The following SPRED2 variants were observed in gnomAD, a reference collection of about 807,000 sequenced individuals.
The protein encoded by SPRED2 is sprouty-related, EVH1 domain-containing protein 2.
SPRED2 carries 47 observed loss-of-function variants against 43.0 expected under a neutral mutation model. The ratio of observed to expected loss-of-function variants is 1.09; its 90% CI spans 0.87 to 1.40. The LOEUF is 1.40. Ranked by LOEUF, SPRED2 falls within the 40% of genes most tolerant of loss-of-function variation. The probability of loss-of-function intolerance (pLI) is 0.00; values close to 1 mark genes in which losing one functional copy is unlikely to be tolerated. For missense variants in SPRED2, 561 were observed against 586.4 expected (o/e 0.96, Z 0.45); for synonymous variants, 225 against 225.7 (o/e 1.00, Z 0.03).
intron 1 of SPRED2, among the ~76,000 whole-genome samples, chr2:65,366,029 A>AAAAC (rs3052978): frequency 0.31 from 46,439 of 151,088 alleles, 8,527 homozygotes; most frequent in East Asian, 0.74. Context: ...GTGATTTATA[A>AAAAC]AAACAAACAA....
downstream of SPRED2, among the ~76,000 whole-genome samples, chr2:65,309,173 C>T (rs1334820397): frequency 4.2e-5 from 6 of 143,072 alleles, no homozygotes; most frequent in African/African-American, 1.6e-4. Flanking sequence ...AAAAAAAAAT[C>T]ATTAAAGTGT....
intron 5 of SPRED2, among the ~76,000 whole-genome samples, chr2:65,315,783 C>T (rs1020283492): frequency 3.3e-5 from 5 of 152,180 alleles, no homozygotes; most frequent in East Asian, 1.9e-4. Flanking sequence ...TTCAGCCTCC[C>T]GAGTAGCTGG....
intron 4 of SPRED2, among the ~76,000 whole-genome samples, chr2:65,327,518 C>A (rs756629750): frequency 6.6e-6 from 1 of 152,018 alleles, no homozygotes; most frequent in Non-Finnish European, 1.5e-5. Flanking sequence ...CCTCTTACAG[C>A]GTAATGTGAG....
At chr2:65,414,010 T>G (rs1676219287) in intron 1 of SPRED2, among the ~76,000 whole-genome samples, 1 of 152,120 alleles carries the variant, frequency 6.6e-6, no homozygotes, top group Non-Finnish European at 1.5e-5. Context: ...GTTGTTAACA[T>G]TCCCACTCTA....
chr2:65,432,192 G>C lies in SPRED2; in HGVS notation c.-205C>G. The C allele has an allele frequency of 1.6e-6, 1 of 631,498 alleles. No individual in the cohort carries two copies. The highest frequency in any genetic ancestry group is 1.9e-5 in the South Asian group (1 of 53,288). 39.1% of individuals were successfully genotyped at this position (631,498 alleles called of 1,614,324 possible). A position where few individuals can be genotyped will look rare whatever the true frequency, so the allele number is the denominator to read the frequency against. ...GAAGGGGTGCAAAGGCAGGCTGCGC[G>C]GGGAGTGAACGCCGCAGCGCCGTGG... On this transcript the variant is annotated 5_prime_UTR_variant, in exon 1 of 6. Coordinates refer to ENST00000356388, the MANE Select transcript of SPRED2 (RefSeq NM_181784.3).
At chr2:65,354,645 G>GTT (rs34759662) in intron 1 of SPRED2, among the ~76,000 whole-genome samples, 4 of 146,058 alleles carry the variant, frequency 2.7e-5, no homozygotes, top group Non-Finnish European at 4.5e-5. Context: ...ATATTTGTTG[G>GTT]TTTTTTTTTT....
At chr2:65,307,816 C>G (rs929189284), downstream of SPRED2, among the ~76,000 whole-genome samples, 11 of 152,190 alleles carry the variant, frequency 7.2e-5, no homozygotes, top group African/African-American at 2.7e-4. Context: ...ATTCCATGCA[C>G]CTAGTTCAGT....
At chr2:65,426,501 C>T (rs1006128115) in intron 1 of SPRED2, among the ~76,000 whole-genome samples, 4 of 152,120 alleles carry the variant, frequency 2.6e-5, no homozygotes, top group Non-Finnish European at 4.4e-5. Flanking sequence ...AACTCAAATT[C>T]GGATGCAGAA....
intron 1 of SPRED2, among the ~76,000 whole-genome samples, chr2:65,420,326 G>GACAGCAC (rs1164181521): frequency 6.6e-6 from 1 of 151,088 alleles, no homozygotes; most frequent in African/African-American, 2.4e-5. Flanking sequence ...TGGAGTTATT[G>GACAGCAC]ACAGCACAGG....
intron 1 of SPRED2, among the ~76,000 whole-genome samples, chr2:65,430,988 G>T (rs1407019640): frequency 2.0e-5 from 3 of 151,976 alleles, no homozygotes; most frequent in Non-Finnish European, 2.9e-5. Context: ...CCCCGCCCCC[G>T]TCGCACCCGA....
At chr2:65,414,781 G>GA (rs1373180207) in intron 1 of SPRED2, among the ~76,000 whole-genome samples, 2 of 152,190 alleles carry the variant, frequency 1.3e-5, no homozygotes, top group Non-Finnish European at 2.9e-5. Flanking sequence ...AAATTTCTGT[G>GA]AAGGGAGCTT....
At position 65,311,893 on chromosome 2, in the gene SPRED2, G is replaced by A. The variant is rs1011045532; in HGVS notation, c.*1608C>T. On this transcript the variant is annotated 3_prime_UTR_variant, in exon 6 of 6. Coordinates refer to ENST00000356388, the MANE Select transcript of SPRED2 (RefSeq NM_181784.3). Reference sequence around the variant, plus strand: ...AGACTGGAAAAAAGTCCCTTTCCTTGAAGACTGGTGTCCTGTGTGCAATAA... The same window carrying A: ...AGACTGGAAAAAAGTCCCTTTCCTTAAAGACTGGTGTCCTGTGTGCAATAA... 1 of 985,282 alleles carries A rather than the reference G, an allele frequency of 1.0e-6. No individual in the cohort carries two copies. The highest frequency in any genetic ancestry group is 1.2e-6 in the Non-Finnish European group (1 of 829,952). The allele number at this position is 985,282 out of a possible 1,614,324, so 61.0% of individuals were successfully genotyped here.
chr2:65,317,811 A>G (rs550058928), intron 4 of SPRED2, among the ~76,000 whole-genome samples: 1 of 152,248 alleles, frequency 6.6e-6, no homozygotes, highest in African/African-American at 2.4e-5. Context: ...TTAAACTGGA[A>G]GTGAGATGGA....
At chr2:65,366,225 C>T (rs1446369533) in intron 1 of SPRED2, among the ~76,000 whole-genome samples, 1 of 152,172 alleles carries the variant, frequency 6.6e-6, no homozygotes, top group Non-Finnish European at 1.5e-5. Context: ...TAAAGCTCTA[C>T]ACTACCCACC....
At chr2:65,308,212 G>T, downstream of SPRED2, 1 of 785,208 alleles carries the variant, frequency 1.3e-6, no homozygotes, top group Non-Finnish European at 1.5e-6. Context: ...GGGGTGGGAG[G>T]TTCAGGCAGG....
chr2:65,329,020 C>G lies in SPRED2; in HGVS notation c.438+2967G>C, dbSNP rs534158297. Among the ~76,000 whole-genome samples, 46 of 152,360 alleles carry G rather than the reference C, an allele frequency of 3.0e-4. 1 individual carries two copies. Among genetic ancestry groups the G allele is most frequent in the Admixed American group, 1.3e-3 (20 of 15,304 alleles). On this transcript the variant is annotated intron_variant, in intron 4 of 5. Transcript: ENST00000356388. ...AACTTGCAAATACCCAAAAGCCCATCTAGGACAAAACCAACATTGTCTTGG... is the reference window on the plus strand; with the variant it reads ...AACTTGCAAATACCCAAAAGCCCATGTAGGACAAAACCAACATTGTCTTGG...
intron 1 of SPRED2, among the ~76,000 whole-genome samples, chr2:65,406,981 T>G (rs1572898281): frequency 6.6e-6 from 1 of 150,898 alleles, no homozygotes; most frequent in Non-Finnish European, 1.5e-5. Flanking sequence ...CAGGCTGGAG[T>G]GCAGTGGTGC....
At chr2:65,388,893 T>C (rs888555278) in intron 1 of SPRED2, among the ~76,000 whole-genome samples, 2 of 152,098 alleles carry the variant, frequency 1.3e-5, no homozygotes, top group Non-Finnish European at 2.9e-5. Flanking sequence ...GGCTCAGGGG[T>C]AAATTGCTCT....
At chr2:65,427,221 G>A (rs997013382) in intron 1 of SPRED2, among the ~76,000 whole-genome samples, 16 of 151,822 alleles carry the variant, frequency 1.1e-4, no homozygotes, top group Admixed American at 6.6e-4. Flanking sequence ...ACAGGTGTGC[G>A]CTACCACACG....
Sources: gnomAD v4.1 joint callset for allele counts (sites outside exome capture counted in the v4.1 genomes callset) on GRCh38, gnomAD v4.1.1 for gene constraint, MANE v1.5 for transcripts, NCBI Gene and HGNC (gene_info 2026-07-23, HGNC 2026-07-21) for gene names.